CDK14: variants seen among roughly 807,000 people sequenced by gnomAD.
CDK14 encodes cyclin-dependent kinase 14.
Under a neutral mutation model 60.7 loss-of-function variants are expected in CDK14, and 34 were observed. The observed-to-expected ratio is 0.56, with a 90% CI of 0.43 to 0.75. The LOEUF (loss-of-function observed/expected upper bound fraction) is 0.75. CDK14 is among the 30% of genes least tolerant of loss of function. The pLI, the probability that CDK14 is intolerant of heterozygous loss-of-function variation, is 0.00. For missense variants in CDK14, 482 were observed against 564.1 expected, an observed-to-expected ratio of 0.85 and a Z score of 1.47; for synonymous variants, 197 against 203.7, an observed-to-expected ratio of 0.97 and a Z score of 0.28.
intron 14 of CDK14, among the ~76,000 whole-genome samples, chr7:91,203,021 T>C (rs891562387): frequency 2.6e-5 from 4 of 152,198 alleles, no homozygotes; most frequent in Non-Finnish European, 4.4e-5. Context: ...CCCAACAGGA[T>C]AGTGAATATG....
chr7:90,648,490 T>G (rs1042250301), intron 2 of CDK14, among the ~76,000 whole-genome samples: 1 of 152,104 alleles, frequency 6.6e-6, no homozygotes, highest in African/African-American at 2.4e-5. Flanking sequence ...GGGAGGGGGC[T>G]ACACAGAAGA....
chr7:91,129,312 C>G (rs1800050864), intron 14 of CDK14, among the ~76,000 whole-genome samples: 1 of 152,210 alleles, frequency 6.6e-6, no homozygotes, highest in African/African-American at 2.4e-5. Flanking sequence ...GGCACTGTGT[C>G]TTCACAACCA....
intron 2 of CDK14, among the ~76,000 whole-genome samples, chr7:90,696,406 C>G (rs550633940): frequency 1.2e-4 from 18 of 146,160 alleles, no homozygotes; most frequent in African/African-American, 3.8e-4. Context: ...AATGGCACAA[C>G]CTCAGCTCAC....
intron 11 of CDK14, among the ~76,000 whole-genome samples, chr7:91,063,615 C>G (rs948005808): frequency 6.6e-6 from 1 of 152,164 alleles, no homozygotes; most frequent in Non-Finnish European, 1.5e-5. Context: ...AATTGACATC[C>G]TCTCAGAATG....
intron 5 of CDK14, among the ~76,000 whole-genome samples, chr7:90,842,623 G>A (rs973462628): frequency 5.3e-5 from 8 of 152,128 alleles, no homozygotes; most frequent in Admixed American, 2.6e-4. Context: ...GCGTCTGTGC[G>A]TGCATACACA....
At chr7:90,732,533 A>G (rs1018837842) in intron 3 of CDK14, among the ~76,000 whole-genome samples, 1 of 152,134 alleles carries the variant, frequency 6.6e-6, no homozygotes, top group Admixed American at 6.5e-5. Context: ...TTACTGGTCT[A>G]TTCAGGGATT....
chr7:90,646,204 G>C (rs1800463994), intron 2 of CDK14, among the ~76,000 whole-genome samples: 1 of 152,170 alleles, frequency 6.6e-6, no homozygotes, highest in Non-Finnish European at 1.5e-5. Context: ...TCATCTTATG[G>C]AAGCCTCCGG....
At chr7:90,710,358 CCT>C in intron 2 of CDK14, 1 of 985,030 alleles carries the variant, frequency 1.0e-6, no homozygotes, top group African/African-American at 1.7e-5. Context: ...GGCTGAATGC[CCT>C]CTGAGTCAAG....
chr7:90,744,332 G>A (rs1227952965), intron 3 of CDK14, among the ~76,000 whole-genome samples: 2 of 152,132 alleles, frequency 1.3e-5, no homozygotes, highest in Non-Finnish European at 2.9e-5. Context: ...TGGGGGTAAG[G>A]TCACAGATCA....
chr7:90,709,415 T>C, intron 2 of CDK14: 1 of 1,421,178 alleles, frequency 7.0e-7, no homozygotes, highest in East Asian at 2.7e-5. Context: ...CTTGATTAAA[T>C]GTTTTTCCTC....
At position 91,201,066 on chromosome 7, in the gene CDK14, T is replaced by C. The variant is rs112746941; in HGVS notation, c.*29-6099T>C. Among the ~76,000 whole-genome samples, 1,052 of 152,340 alleles carry C rather than the reference T, an allele frequency of 6.9e-3. 16 individuals are homozygous for C. The highest frequency in any genetic ancestry group is 0.024 in the African/African-American group (996 of 41,568). On this transcript the variant is annotated intron_variant, in intron 14 of 14. Transcript: ENST00000380050. ...TTCCTTTTTGAAAGCATGTAATTAA[T>C]TGCGTGCCTATCTTTAAATGCCTCC...
intron 8 of CDK14, among the ~76,000 whole-genome samples, chr7:90,936,062 A>G (rs1408915534): frequency 6.6e-6 from 1 of 152,080 alleles, no homozygotes; most frequent in African/African-American, 2.4e-5. Flanking sequence ...AGAAAAAAGA[A>G]GAAGAAGAAG....
At chr7:90,616,617 A>G (rs1799655484) in intron 2 of CDK14, among the ~76,000 whole-genome samples, 1 of 152,166 alleles carries the variant, frequency 6.6e-6, no homozygotes, top group Non-Finnish European at 1.5e-5. Context: ...AGAGGTTTGC[A>G]TTACTTTATC....
chr7:90,850,476 C>T (rs964842124), intron 5 of CDK14, among the ~76,000 whole-genome samples: 3 of 152,098 alleles, frequency 2.0e-5, no homozygotes, highest in African/African-American at 7.2e-5. Context: ...CAGGACAACA[C>T]TGCTGAGAGA....
intron 12 of CDK14, among the ~76,000 whole-genome samples, chr7:91,109,057 C>G (rs191136197): frequency 1.3e-5 from 2 of 152,150 alleles, no homozygotes; most frequent in Admixed American, 1.3e-4. Flanking sequence ...TTTTGAAAAT[C>G]TTGTAATTTT....
intron 2 of CDK14, among the ~76,000 whole-genome samples, chr7:90,611,114 A>G (rs1799530155): frequency 6.6e-6 from 1 of 152,002 alleles, no homozygotes; most frequent in Non-Finnish European, 1.5e-5. Flanking sequence ...TTTCTACTCC[A>G]GAAGCTTACA....
chr7:90,699,814 T>G (rs1186361350), intron 2 of CDK14, among the ~76,000 whole-genome samples: 3 of 152,212 alleles, frequency 2.0e-5, no homozygotes, highest in African/African-American at 7.2e-5. Flanking sequence ...AGGCAGAAGG[T>G]ACCTCTGTGT....
chr7:91,110,673 A>G (rs565143477), intron 12 of CDK14, among the ~76,000 whole-genome samples: 10 of 152,198 alleles, frequency 6.6e-5, no homozygotes, highest in African/African-American at 2.2e-4. Flanking sequence ...TGGGCGATTA[A>G]TAATATTCCT....
chr7:91,120,614 A>G (rs1215737362), intron 14 of CDK14, among the ~76,000 whole-genome samples: 1 of 151,414 alleles, frequency 6.6e-6, no homozygotes, highest in African/African-American at 2.4e-5. Flanking sequence ...GCTCTCTGCA[A>G]CCTCTGCCCC....
Sources: gnomAD v4.1 joint callset for allele counts (sites outside exome capture counted in the v4.1 genomes callset) on GRCh38, gnomAD v4.1.1 for gene constraint, MANE v1.5 for transcripts, NCBI Gene and HGNC (gene_info 2026-07-23, HGNC 2026-07-21) for gene names.